The following LRRIQ1 variants were observed in gnomAD, a reference collection of about 807,000 sequenced individuals.
LRRIQ1 encodes leucine rich repeats and IQ motif containing 1.
LRRIQ1 carries 210 observed loss-of-function variants against 211.9 expected under a neutral mutation model. The observed-to-expected ratio is 0.99, with a 90% CI of 0.89 to 1.11. LRRIQ1 has a LOEUF of 1.11. LRRIQ1 is among the 50% of genes most tolerant of loss of function. The pLI is 0.00. For synonymous variants in LRRIQ1, 699 were observed against 650.1 expected, an observed-to-expected ratio of 1.08 and a Z score of -1.14; for missense variants, 2,136 against 1,939.5, an observed-to-expected ratio of 1.10 and a Z score of -1.90.
the LRRIQ1 span, among the ~76,000 whole-genome samples, chr12:85,270,205 T>A: frequency 6.6e-6 from 1 of 152,080 alleles, no homozygotes; most frequent in Admixed American, 6.6e-5. Flanking sequence ...AGAATTATAT[T>A]TCTAATAAAC....
chr12:85,071,947 A>G (rs1199919369), intron 10 of LRRIQ1, among the ~76,000 whole-genome samples: 1 of 152,064 alleles, frequency 6.6e-6, no homozygotes, highest in African/African-American at 2.4e-5. Flanking sequence ...GACACAACCA[A>G]ACCATATCAT....
chr12:85,185,504 C>T (rs1892182848), intron 24 of LRRIQ1, among the ~76,000 whole-genome samples: 1 of 151,476 alleles, frequency 6.6e-6, no homozygotes, highest in African/African-American at 2.4e-5. Context: ...AAAATTTATA[C>T]CATAATAATA....
In LRRIQ1 at chr12:85,181,611, A is replaced by G. The variant is rs1256589279; in HGVS notation, c.4822+20897A>G. ...AGAATTTAAAATTTATGTACCATAAAGTCAACATTTTATCATCACACAAAT... is the reference window on the plus strand; with the variant it reads ...AGAATTTAAAATTTATGTACCATAAGGTCAACATTTTATCATCACACAAAT... On this transcript the variant is annotated intron_variant, in intron 24 of 26. Coordinates refer to ENST00000393217, the MANE Select transcript of LRRIQ1 (RefSeq NM_001079910.2). Among the ~76,000 whole-genome samples, 6 of 151,994 alleles carry G rather than the reference A, an allele frequency of 3.9e-5. No individual in the cohort carries two copies. In the South Asian group the frequency reaches 6.2e-4, roughly 16 times the overall value.
Position 85,040,621 on chromosome 12 carries a change from G to A in LRRIQ1, c.244+20G>A. 7.1e-7 allele frequency: 1 copy of A among 1,413,684 alleles called. No homozygotes were observed. The highest frequency in any genetic ancestry group is 2.3e-5 in the East Asian group (1 of 43,498). 87.6% of individuals were successfully genotyped at this position (1,413,684 alleles called of 1,614,324 possible). ...TTTTAAGTAAGTACTATTTTCATCT[G>A]TCTGGCAGATAAGCTTTCTGTAAGT... On this transcript the variant is annotated intron_variant, in intron 3 of 26. Transcript: ENST00000393217.
chr12:85,039,968 T>C (rs1400279305), intron 2 of LRRIQ1, among the ~76,000 whole-genome samples: 1 of 151,640 alleles, frequency 6.6e-6, no homozygotes, highest in African/African-American at 2.4e-5. Flanking sequence ...TTTAGCTATT[T>C]AGAAAATTTA....
intron 16 of LRRIQ1, 127 bp downstream of exon 16, chr12:85,122,003 C>A: frequency 1.4e-6 from 1 of 693,622 alleles, no homozygotes; most frequent in Non-Finnish European, 2.1e-6. Context: ...TGGGGATATT[C>A]TACCTTTAAA....
At chr12:85,187,210 G>C (rs1892267654) in intron 24 of LRRIQ1, among the ~76,000 whole-genome samples, 1 of 152,104 alleles carries the variant, frequency 6.6e-6, no homozygotes, top group Non-Finnish European at 1.5e-5. Flanking sequence ...TGCATGCACA[G>C]CAACCTGAAC....
chr12:85,138,369 A>G (rs1889283453), intron 19 of LRRIQ1, among the ~76,000 whole-genome samples: 1 of 151,552 alleles, frequency 6.6e-6, no homozygotes, highest in African/African-American at 2.4e-5. Context: ...TTAAACTAGA[A>G]TAGTTCCTCA....
At position 85,197,953 on chromosome 12, in the gene LRRIQ1, TTA is replaced by T. The variant is rs1276531134; in HGVS notation, c.4823-31558_4823-31557del. 1.8e-3 allele frequency among the ~76,000 whole-genome samples: 190 copies of T among 108,214 alleles called. 3 individuals carry two copies. The highest frequency in any genetic ancestry group is 6.1e-3 in the African/African-American group (170 of 27,658). 71.0% of individuals were successfully genotyped at this position (108,214 alleles called of 152,430 possible). A position where few individuals can be genotyped will look rare whatever the true frequency, so the allele number is the denominator to read the frequency against. On this transcript the variant is annotated intron_variant, in intron 24 of 26. Coordinates refer to ENST00000393217, the MANE Select transcript of LRRIQ1 (RefSeq NM_001079910.2). ...TATAATTATATATATTTATATATAA[TTA>T]TATATTATATATAAATATATATAAT...
chr12:85,109,256 A>G (rs1037326000), intron 15 of LRRIQ1, among the ~76,000 whole-genome samples: 3 of 152,094 alleles, frequency 2.0e-5, no homozygotes, highest in Non-Finnish European at 4.4e-5. Context: ...CATTCTTTCT[A>G]GGTTAATTTG....
chr12:85,143,850 G>GT (rs1045450629), intron 19 of LRRIQ1, among the ~76,000 whole-genome samples: 12 of 151,478 alleles, frequency 7.9e-5, no homozygotes, highest in Non-Finnish European at 1.6e-4. Context: ...TTTATGTTTT[G>GT]TTTTTTAGTC....
intron 21 of LRRIQ1, among the ~76,000 whole-genome samples, 197 bp from the exon 22 acceptor site, chr12:85,153,466 G>A (rs1485427262): frequency 6.6e-6 from 1 of 151,304 alleles, no homozygotes; most frequent in East Asian, 1.9e-4. Flanking sequence ...TTTCACAAAG[G>A]GATTGAAATA....
Position 85,244,907 on chromosome 12 carries a change from C to T in LRRIQ1, c.5135C>T (p.Ser1712Leu), listed in dbSNP as rs985695297. The change falls in exon 27 of 27, where the codon TCA becomes TTA. Residue 1712 changes from serine to leucine, a missense_variant. By Grantham distance (145) the Ser-to-Leu change is moderately radical (BLOSUM62 -2). Coordinates refer to ENST00000393217, the MANE Select transcript of LRRIQ1 (RefSeq NM_001079910.2). ...GCACACAGACACTCAGCAGGATCTT[C>T]AAGTAAGTTGTGGTTTCCTTCAAAA... ...NQAHRHSAGS[S>L]SKLWFPSKLI is the part of the protein sequence containing the mutation. 6.2e-7 allele frequency: 1 copy of T among 1,611,000 alleles called. No individual in the cohort carries two copies. Among genetic ancestry groups the T allele is most frequent in the Non-Finnish European group, 8.5e-7 (1 of 1,178,062 alleles).
intron 16 of LRRIQ1, among the ~76,000 whole-genome samples, chr12:85,122,411 CAA>C (rs1204989219): frequency 6.6e-6 from 1 of 152,084 alleles, no homozygotes; most frequent in Non-Finnish European, 1.5e-5. Flanking sequence ...TAATCAGAAT[CAA>C]ATGTTGAAGA....
At chr12:85,200,118 ATTTG>A (rs1466389474) in intron 24 of LRRIQ1, among the ~76,000 whole-genome samples, 2 of 152,146 alleles carry the variant, frequency 1.3e-5, no homozygotes, top group East Asian at 3.9e-4. Context: ...ATGTTTTTCC[ATTTG>A]TTTGTGTCAT....
intron 24 of LRRIQ1, among the ~76,000 whole-genome samples, chr12:85,171,348 G>T (rs1226465487): frequency 6.6e-6 from 1 of 152,074 alleles, no homozygotes; most frequent in African/African-American, 2.4e-5. Flanking sequence ...ACATTTGAAG[G>T]ATTTATGGTT....
At chr12:85,138,760 GA>G (rs906426085) in intron 19 of LRRIQ1, among the ~76,000 whole-genome samples, 5 of 151,278 alleles carry the variant, frequency 3.3e-5, no homozygotes, top group East Asian at 1.9e-4. Flanking sequence ...TTTTATGCTA[GA>G]AAAAAAGCCT....
intron 24 of LRRIQ1, among the ~76,000 whole-genome samples, chr12:85,199,272 C>T (rs755764043): frequency 1.2e-4 from 19 of 152,176 alleles, no homozygotes; most frequent in Non-Finnish European, 2.8e-4. Flanking sequence ...TCCAATCCAT[C>T]TTGAGTTGAT....
chr12:85,198,090 A>G (rs1355353702), intron 24 of LRRIQ1, among the ~76,000 whole-genome samples: 2 of 115,720 alleles, frequency 1.7e-5, no homozygotes, highest in East Asian at 4.3e-4. Context: ...AATTTATTAT[A>G]TTATATATTA....
Sources: gnomAD v4.1 joint callset for allele counts (sites outside exome capture counted in the v4.1 genomes callset) on GRCh38, gnomAD v4.1.1 for gene constraint, MANE v1.5 for transcripts, NCBI Gene and HGNC (gene_info 2026-07-23, HGNC 2026-07-21) for gene names.